The following MAP3K3 variants were observed in gnomAD, a reference collection of about 807,000 sequenced individuals.
MAP3K3 encodes MAP/ERK kinase kinase 3.
MAP3K3 carries 12 observed loss-of-function variants against 80.9 expected under a neutral mutation model. The observed-to-expected ratio is 0.15, with a 90% CI of 0.10 to 0.24. The LOEUF is 0.24. MAP3K3 is among the 10% of genes least tolerant of loss of function. The pLI, the probability that MAP3K3 is intolerant of heterozygous loss-of-function variation, is 1.00. For synonymous variants in MAP3K3, 272 were observed against 307.1 expected, an observed-to-expected ratio of 0.89 and a Z score of 1.19; for missense variants, 596 against 834.7, an observed-to-expected ratio of 0.71 and a Z score of 3.52.
At chr17:63,670,743 G>A (rs2035091076) in intron 6 of MAP3K3, among the ~76,000 whole-genome samples, 1 of 152,078 alleles carries the variant, frequency 6.6e-6, no homozygotes, top group Admixed American at 6.6e-5. Flanking sequence ...TTCCAGGCAG[G>A]GGATGTTACA....
rs751441762 is a variant in MAP3K3, at chr17:63,689,672, C to G, written c.1000C>G (p.Arg334Gly). Residue 334 changes from arginine (R) to glycine (G), a missense_variant, in exon 11 of 16, where the codon CGC (arginine) becomes GGC (glycine). Around this residue, in one of 2 missense-constraint regions of MAP3K3, gnomAD observed 364 missense variants for 588.9 expected, o/e 0.62. Transcript: ENST00000361733. This position sits in a 1 kb window ranked among gnomAD's most constrained non-coding sequence, Gnocchi z 4.3. ...TGTGCAATACCTGGACCCCCGTGGGCGCCTGCGGAGTGCGGACAGCGAGAA... is the reference window on the plus strand; with the variant it reads ...TGTGCAATACCTGGACCCCCGTGGGGGCCTGCGGAGTGCGGACAGCGAGAA... Reference protein sequence around the residue: ...LAVQYLDPRGRLRSADSENAL... With the variant: ...LAVQYLDPRGGLRSADSENAL... The G allele has an allele frequency of 6.2e-6, 10 of 1,613,744 alleles. No individual in the cohort carries two copies. In the African/African-American group the frequency reaches 1.3e-4, roughly 22 times the overall value.
chr17:63,643,220 A>G (rs1420162013), intron 2 of MAP3K3, among the ~76,000 whole-genome samples: 1 of 152,128 alleles, frequency 6.6e-6, no homozygotes, highest in East Asian at 1.9e-4. Flanking sequence ...AATAGGGGAA[A>G]CTGGCTGGGT....
At chr17:63,684,732 T>C (rs2035412124) in intron 7 of MAP3K3, among the ~76,000 whole-genome samples, 1 of 152,160 alleles carries the variant, frequency 6.6e-6, no homozygotes, top group African/African-American at 2.4e-5. Context: ...GTGCAAGTGA[T>C]CCTTCCCTCT....
chr17:63,673,315 T>C (rs2035147553), intron 6 of MAP3K3, among the ~76,000 whole-genome samples: 1 of 152,212 alleles, frequency 6.6e-6, no homozygotes. Flanking sequence ...CCCTTTGTTG[T>C]TTCCATCATA....
chr17:63,687,451 G>T (rs1201706200), intron 8 of MAP3K3, among the ~76,000 whole-genome samples: 1 of 151,476 alleles, frequency 6.6e-6, no homozygotes, highest in African/African-American at 2.4e-5. Flanking sequence ...GGCGGAGGTT[G>T]TAGTGAACCC....
chr17:63,654,088 C>A (rs1208704957), intron 4 of MAP3K3, among the ~76,000 whole-genome samples: 2 of 152,084 alleles, frequency 1.3e-5, no homozygotes. Flanking sequence ...AGGCTGGTCT[C>A]AAATTCCTGA....
intron 5 of MAP3K3, among the ~76,000 whole-genome samples, chr17:63,659,976 C>G (rs907044329): frequency 3.9e-5 from 6 of 152,060 alleles, no homozygotes; most frequent in Non-Finnish European, 8.8e-5. Flanking sequence ...TTTCAAAGGG[C>G]CCTCTCCATT....
chr17:63,629,484 G>C (rs1473958043), intron 1 of MAP3K3, among the ~76,000 whole-genome samples: 1 of 152,134 alleles, frequency 6.6e-6, no homozygotes, highest in Non-Finnish European at 1.5e-5. Flanking sequence ...GAGGAGTGCT[G>C]ATAATTCAGT....
rs2035582997 is a variant in MAP3K3, at chr17:63,691,209, C to T, written c.1320C>T (p.Thr440=). The T allele has an allele frequency of 6.2e-7, 1 of 1,614,070 alleles. No individual in the cohort carries two copies. Among genetic ancestry groups the T allele is most frequent in the South Asian group, 1.1e-5 (1 of 91,094 alleles). Residue 440 remains threonine (T), a synonymous_variant, in exon 13 of 16, where the codon ACC becomes ACT. Transcript: ENST00000361733. The surrounding 1 kb of genome is among the most constrained non-coding windows in gnomAD (Gnocchi z 4.8). ...GGGACCGCGCTGAGAAGACCCTGAC[C>T]ATCTTCATGGAGTACATGCCAGGGG... ...CLRDRAEKTL[T]IFMEYMPGGS...
At chr17:63,687,683 C>G (rs950571001) in intron 8 of MAP3K3, among the ~76,000 whole-genome samples, 3 of 148,976 alleles carry the variant, frequency 2.0e-5, no homozygotes, top group Non-Finnish European at 4.5e-5. Context: ...GAGCGAGACT[C>G]CATCTTAAAA....
chr17:63,639,082 T>C (rs2034391364), intron 2 of MAP3K3, among the ~76,000 whole-genome samples: 1 of 152,170 alleles, frequency 6.6e-6, no homozygotes, highest in South Asian at 2.1e-4. Context: ...CATGCAGTCT[T>C]ACTGGGAAGT....
intron 2 of MAP3K3, among the ~76,000 whole-genome samples, chr17:63,635,786 T>C (rs2034310612): frequency 6.6e-6 from 1 of 152,206 alleles, no homozygotes; most frequent in African/African-American, 2.4e-5. Context: ...TCATTACCAG[T>C]TCTTCTGCCA....
chr17:63,691,821 C>T lies in MAP3K3; in HGVS notation c.1433C>T (p.Ser478Phe), dbSNP rs182553269. ...ACGCGGCAGATCCTGGAGGGCATGT[C>T]CTACCTGCACAGCAACATGATTGTT... ...KYTRQILEGM[S>F]YLHSNMIVHR... The change falls in exon 14 of 16, where the codon TCC (serine) becomes TTC (phenylalanine). Residue 478 changes from serine to phenylalanine, a missense_variant. By Grantham distance (155) the Ser-to-Phe change is radical. Around this residue, in one of 2 missense-constraint regions of MAP3K3, gnomAD observed 364 missense variants for 588.9 expected, o/e 0.62. Transcript: ENST00000361733. This position sits in a 1 kb window ranked among gnomAD's most constrained non-coding sequence, Gnocchi z 4.8. 1.2e-6 allele frequency: 2 copies of T among 1,614,114 alleles called. No homozygotes were observed. The highest frequency in any genetic ancestry group is 1.3e-5 in the African/African-American group (1 of 75,050).
At chr17:63,638,105 T>A (rs553749241) in intron 2 of MAP3K3, among the ~76,000 whole-genome samples, 1 of 152,204 alleles carries the variant, frequency 6.6e-6, no homozygotes, top group Non-Finnish European at 1.5e-5. Flanking sequence ...AAATAAGATA[T>A]AAAACAACAC....
At chr17:63,684,961 A>C (rs2035417037) in intron 7 of MAP3K3, among the ~76,000 whole-genome samples, 1 of 152,152 alleles carries the variant, frequency 6.6e-6, no homozygotes, top group African/African-American at 2.4e-5. Context: ...CCAGAGAAAT[A>C]TTTTATTATA....
chr17:63,660,506 C>T (rs915615354), intron 5 of MAP3K3, among the ~76,000 whole-genome samples: 1 of 152,028 alleles, frequency 6.6e-6, no homozygotes, highest in African/African-American at 2.4e-5. Context: ...AGCCACCATA[C>T]CTGGCTGTTT....
chr17:63,636,610 C>T lies in MAP3K3; in HGVS notation c.126+3808C>T, dbSNP rs530133786. On this transcript the variant is annotated intron_variant, in intron 2 of 15. Coordinates refer to ENST00000361733, the MANE Select transcript of MAP3K3 (RefSeq NM_002401.5). The stretch of plus-strand genomic sequence containing the variant: ...GAGTGCTGGCCTGTGGCTGAACATG[C>T]TGGAGAAGAGCTTGCCTGGCCACAG... 82 of 189,992 alleles carry T rather than the reference C, an allele frequency of 4.3e-4. No homozygotes were observed. The South Asian group carries it at 8.4e-3, about 19-fold the overall frequency. The allele number at this position is 189,992 out of a possible 1,614,324, so 11.8% of individuals were successfully genotyped here.
At position 63,691,093 on chromosome 17, in the gene MAP3K3, C is replaced by T. The variant is rs1196579359; in HGVS notation, c.1213-9C>T. 1 of 1,613,774 alleles carries T rather than the reference C, an allele frequency of 6.2e-7. No homozygotes were observed. Among genetic ancestry groups the T allele is most frequent in the East Asian group, 2.2e-5 (1 of 44,878 alleles). ...TGAGAGCTGAGGCGACCACTGACCC[C>T]TCCCCTAGGAGGTGAGTGCTCTGGA... On this transcript the variant is annotated splice_polypyrimidine_tract_variant and intron_variant, in intron 12 of 15. Coordinates refer to ENST00000361733, the MANE Select transcript of MAP3K3 (RefSeq NM_002401.5). This position sits in a 1 kb window ranked among gnomAD's most constrained non-coding sequence, Gnocchi z 4.8.
chr17:63,665,961 A>G (rs1373469944), intron 5 of MAP3K3, among the ~76,000 whole-genome samples: 1 of 152,126 alleles, frequency 6.6e-6, no homozygotes, highest in East Asian at 1.9e-4. Context: ...GCAAGTAGAA[A>G]CTTTGAACCA....
Sources: gnomAD v4.1 joint callset for allele counts (sites outside exome capture counted in the v4.1 genomes callset) on GRCh38, gnomAD v4.1.1 for gene constraint, gnomAD v4.1.1 regional missense constraint, Gnocchi (gnomAD v3.1) non-coding constraint, MANE v1.5 for transcripts, NCBI Gene and HGNC (gene_info 2026-07-23, HGNC 2026-07-21) for gene names.